The following SCYL2 variants were observed in gnomAD, a reference collection of about 807,000 sequenced individuals.
The protein encoded by SCYL2 is SCY1 like pseudokinase 2.
A neutral mutation model predicts 100.4 loss-of-function variants in SCYL2; 36 were observed. The ratio of observed to expected loss-of-function variants is 0.36; its 90% CI spans 0.27 to 0.47. The LOEUF is 0.47. SCYL2 is among the 20% of genes least tolerant of loss of function. SCYL2 has a pLI of 1.00. For synonymous variants in SCYL2, 330 were observed against 359.2 expected (o/e 0.92, Z 0.92); for missense variants, 902 against 1,083.9 (o/e 0.83, Z 2.36).
chr12:100,327,690 A>AT (rs1324854001), intron 12 of SCYL2, among the ~76,000 whole-genome samples: 1 of 151,814 alleles, frequency 6.6e-6, no homozygotes, highest in Non-Finnish European at 1.5e-5. Context: ...ATTTTTTTGT[A>AT]TTTTTTGTAG....
intron 1 of SCYL2, among the ~76,000 whole-genome samples, chr12:100,272,028 G>C (rs999595257): frequency 1.3e-5 from 2 of 152,120 alleles, no homozygotes; most frequent in African/African-American, 2.4e-5. Context: ...GTAAAATCTA[G>C]TATTACAACA....
intron 4 of SCYL2, among the ~76,000 whole-genome samples, chr12:100,300,661 G>A (rs1441570461): frequency 6.6e-6 from 1 of 151,920 alleles, no homozygotes; most frequent in Non-Finnish European, 1.5e-5. Context: ...GCCCTTCCCA[G>A]CCTCTGGTAA....
At chr12:100,294,388 C>A (rs1592940117) in intron 3 of SCYL2, among the ~76,000 whole-genome samples, 65 of 102,246 alleles carry the variant, frequency 6.4e-4, no homozygotes, top group Middle Eastern at 5.7e-3. Context: ...GGGGGCTGAC[C>A]CCCCCACCTC....
In SCYL2 at chr12:100,267,300, G is replaced by A. The variant is rs1422548434; in HGVS notation, c.-521G>A. On this transcript the variant is annotated 5_prime_UTR_variant, in exon 1 of 18. Coordinates refer to ENST00000360820, the MANE Select transcript of SCYL2 (RefSeq NM_017988.6). ...ATATGGAGTAAAGCCAGAGTCAGTG[G>A]CCAGGCACGAAGGCAGAGCAGGAAC... The A allele has an allele frequency of 9.7e-6, 5 of 514,688 alleles. No individual in the cohort carries two copies. The highest frequency in any genetic ancestry group is 1.9e-5 in the African/African-American group (1 of 51,458). 31.9% of individuals were successfully genotyped at this position (514,688 alleles called of 1,614,324 possible).
At chr12:100,271,901 T>TA (rs1394383211) in intron 1 of SCYL2, among the ~76,000 whole-genome samples, 4 of 152,230 alleles carry the variant, frequency 2.6e-5, no homozygotes, top group African/African-American at 4.8e-5. Flanking sequence ...TTTTACCTGT[T>TA]ACATTTCTTG....
At chr12:100,308,260 G>A (rs2096337185) in intron 4 of SCYL2, among the ~76,000 whole-genome samples, 1 of 152,136 alleles carries the variant, frequency 6.6e-6, no homozygotes, top group African/African-American at 2.4e-5. Flanking sequence ...ATGATAGATT[G>A]GATAAAGAAA....
Position 100,283,086 on chromosome 12 carries a change from C to T in SCYL2, c.116C>T (p.Ala39Val). Reference sequence around the variant, plus strand: ...GAATTTGATGTTGGTCGACACATTGCCAGTGGTGGCAATGGGCTAGCTTGG... The same window carrying T: ...GAATTTGATGTTGGTCGACACATTGTCAGTGGTGGCAATGGGCTAGCTTGG... ...TREFDVGRHI[A>V]SGGNGLAWKI... The change falls in exon 2 of 18, where the codon GCC becomes GTC. Residue 39 changes from alanine to valine, a missense_variant. Coordinates refer to ENST00000360820, the MANE Select transcript of SCYL2 (RefSeq NM_017988.6). The T allele has an allele frequency of 1.2e-6, 2 of 1,612,670 alleles. No homozygotes were observed. Among genetic ancestry groups the T allele is most frequent in the Non-Finnish European group, 1.7e-6 (2 of 1,179,466 alleles).
chr12:100,298,140 C>T lies in SCYL2; in HGVS notation c.445C>T (p.Leu149Phe), dbSNP rs1359254190. ...PISPDIKDYK[L>F]YDVETKYGLL... Reference sequence around the variant, plus strand: ...ATCTCCAGACATTAAGGATTATAAACTTTATGATGTAGAAACCAAATATGG... The same window carrying T: ...ATCTCCAGACATTAAGGATTATAAATTTTATGATGTAGAAACCAAATATGG... Residue 149 changes from leucine (L) to phenylalanine (F), a missense_variant, in exon 4 of 18, where the codon CTT becomes TTT. Leu to Phe is a conservative substitution (Grantham distance 22, BLOSUM62 0). Transcript: ENST00000360820. 1 of 1,586,594 alleles carries T rather than the reference C, an allele frequency of 6.3e-7. No homozygotes were observed. Among genetic ancestry groups the T allele is most frequent in the East Asian group, 2.3e-5 (1 of 43,754 alleles).
chr12:100,275,280 C>T (rs550903509), intron 1 of SCYL2, among the ~76,000 whole-genome samples: 12 of 152,112 alleles, frequency 7.9e-5, no homozygotes, highest in Middle Eastern at 3.4e-3. Flanking sequence ...CAGCTCACTG[C>T]GTCCTCAACC....
chr12:100,295,042 C>T (rs1230222969), intron 3 of SCYL2, among the ~76,000 whole-genome samples: 8 of 147,900 alleles, frequency 5.4e-5, no homozygotes. Context: ...GGCAGAGGCG[C>T]TCCTCACATC....
rs1952337765 is a variant in SCYL2, at chr12:100,340,373, T to G, written c.*1201T>G. The G allele has an allele frequency of 6.6e-6, 1 of 152,152 alleles. No individual in the cohort carries two copies. 9.4% of individuals were successfully genotyped at this position (152,152 alleles called of 1,614,324 possible). A position where few individuals can be genotyped will look rare whatever the true frequency, so the allele number is the denominator to read the frequency against. On this transcript the variant is annotated 3_prime_UTR_variant, in exon 18 of 18. Transcript: ENST00000360820. Reference sequence around the variant, plus strand: ...TGATATTTTTCTTTAATTTGCTGATTATTCAACCACAGAGCCTTATGCTAT... The same window carrying G: ...TGATATTTTTCTTTAATTTGCTGATGATTCAACCACAGAGCCTTATGCTAT...
intron 4 of SCYL2, among the ~76,000 whole-genome samples, chr12:100,304,906 AAGG>A (rs2096332384): frequency 6.6e-6 from 1 of 152,180 alleles, no homozygotes; most frequent in East Asian, 1.9e-4. Flanking sequence ...AAAGACAAAG[AAGG>A]GCACTACATA....
At chr12:100,319,257 T>A in intron 10 of SCYL2, 1 of 456,032 alleles carries the variant, frequency 2.2e-6, no homozygotes, top group Non-Finnish European at 4.4e-6. Context: ...TATGCTGCCT[T>A]TGTCCAAATG....
At chr12:100,299,270 A>T (rs1297872398) in intron 4 of SCYL2, among the ~76,000 whole-genome samples, 2 of 152,158 alleles carry the variant, frequency 1.3e-5, no homozygotes, top group Non-Finnish European at 2.9e-5. Flanking sequence ...TAATATCTTC[A>T]GTGCCATAGA....
chr12:100,283,767 A>G lies in SCYL2; in HGVS notation c.177+620A>G, dbSNP rs76357947. Among the ~76,000 whole-genome samples, 856 of 152,322 alleles carry G rather than the reference A, an allele frequency of 5.6e-3. 9 individuals carry two copies. The highest frequency in any genetic ancestry group is 0.02 in the African/African-American group (817 of 41,582). ...TCCGAAGTTAGCTTATTTCCCAGGT[A>G]AGTACATTGAAGACTGAATTGGCTT... On this transcript the variant is annotated intron_variant, in intron 2 of 17. Transcript: ENST00000360820.
Position 100,317,843 on chromosome 12 carries a change from C to T in SCYL2, c.1313C>T (p.Thr438Ile), listed in dbSNP as rs1187286969. The change falls in exon 10 of 18, where the codon ACC becomes ATC. Residue 438 changes from threonine (T) to isoleucine (I), a missense_variant. By Grantham distance (89) the Thr-to-Ile change is moderately conservative. Transcript: ENST00000360820. ...CTACAAAAAATGGATTTGCTACTAA[C>T]CAAAACCCCTCCTGATGAGATAAAG... is the stretch of plus-strand genomic sequence containing the variant. The part of the protein sequence containing the change: ...IFLQKMDLLL[T>I]KTPPDEIKNS... The T allele has an allele frequency of 6.2e-7, 1 of 1,607,346 alleles. No individual in the cohort carries two copies. Among genetic ancestry groups the T allele is most frequent in the Non-Finnish European group, 8.5e-7 (1 of 1,178,686 alleles).
At chr12:100,285,174 A>G (rs2096303146) in intron 2 of SCYL2, among the ~76,000 whole-genome samples, 1 of 152,202 alleles carries the variant, frequency 6.6e-6, no homozygotes, top group African/African-American at 2.4e-5. Flanking sequence ...AAACACTGCT[A>G]ATACTCATGT....
At chr12:100,326,537 A>T (rs1445887836) in intron 11 of SCYL2, 85 bp from the exon 12 acceptor site, 3 of 909,136 alleles carry the variant, frequency 3.3e-6, no homozygotes, top group Non-Finnish European at 4.8e-6. Context: ...TAACATATTT[A>T]TATGAAGATT....
chr12:100,314,341 GA>G (rs1201100118), intron 7 of SCYL2, 147 bp from the exon 8 acceptor site: 1 of 567,044 alleles, frequency 1.8e-6, no homozygotes, highest in Non-Finnish European at 3.0e-6. Context: ...TTCTTATTCA[GA>G]GTTTTATAAT....
Sources: gnomAD v4.1 joint callset for allele counts (sites outside exome capture counted in the v4.1 genomes callset) on GRCh38, gnomAD v4.1.1 for gene constraint, MANE v1.5 for transcripts, NCBI Gene and HGNC (gene_info 2026-07-23, HGNC 2026-07-21) for gene names.